The following CTNNAL1 variants were observed in gnomAD, a reference collection of about 807,000 sequenced individuals.
CTNNAL1 encodes the protein catenin alpha like 1, also known as alpha-catulin.
In CTNNAL1, 69 loss-of-function variants were observed where a neutral mutation model predicts 93.6. The observed-to-expected ratio is 0.74, with a 90% CI of 0.61 to 0.90. CTNNAL1 has a LOEUF of 0.90. Ranked by LOEUF, CTNNAL1 falls within the 40% of genes least tolerant of loss-of-function variation. The pLI is 0.00. For synonymous variants in CTNNAL1, 286 were observed against 305.4 expected, an observed-to-expected ratio of 0.94 and a Z score of 0.66; for missense variants, 836 against 862.0, an observed-to-expected ratio of 0.97 and a Z score of 0.38.
chr9:108,952,208 C>A lies in CTNNAL1; in HGVS notation c.1835+1G>T. ...AAAAATAAAAATACAACTACATTTA[C>A]CTAGTAAATAAATACAGAGAATAGG... is the stretch of plus-strand genomic sequence containing the variant. On this transcript the variant is annotated splice_donor_variant, in intron 14 of 18. Coordinates refer to ENST00000325551, the MANE Select transcript of CTNNAL1 (RefSeq NM_003798.4). LOFTEE classifies it high-confidence loss of function. 2 of 1,604,774 alleles carry A rather than the reference C, an allele frequency of 1.2e-6. No homozygotes were observed. Among genetic ancestry groups the A allele is most frequent in the Non-Finnish European group, 1.7e-6 (2 of 1,176,000 alleles).
At chr9:108,975,345 G>T (rs1431536858) in intron 8 of CTNNAL1, among the ~76,000 whole-genome samples, 3 of 151,896 alleles carry the variant, frequency 2.0e-5, no homozygotes, top group Non-Finnish European at 4.4e-5. Context: ...GTGGGGGTAG[G>T]GGGGGCAACA....
chr9:108,994,146 G>A lies in CTNNAL1; in HGVS notation c.332-1327C>T, dbSNP rs530652075. Among the ~76,000 whole-genome samples the A allele has an allele frequency of 7.1e-4, 108 of 152,152 alleles. 3 individuals are homozygous for A. The South Asian group carries it at 0.021, about 29-fold the overall frequency. On this transcript the variant is annotated intron_variant, in intron 2 of 18. Coordinates refer to ENST00000325551, the MANE Select transcript of CTNNAL1 (RefSeq NM_003798.4). ...ACTCAGGAGGCTGAGGCAGAGAATCGCTTGGACCTGGGAAGCGGAGGTTGC... is the reference window on the plus strand; with the variant it reads ...ACTCAGGAGGCTGAGGCAGAGAATCACTTGGACCTGGGAAGCGGAGGTTGC...
intron 12 of CTNNAL1, among the ~76,000 whole-genome samples, chr9:108,952,893 AATGAT>A (rs1388022847): frequency 2.6e-5 from 4 of 152,290 alleles, no homozygotes; most frequent in Non-Finnish European, 1.5e-5. Flanking sequence ...ATTCTTATGA[AATGAT>A]ATATTAAAAT....
chr9:109,006,780 CA>C (rs1232929465), intron 1 of CTNNAL1, among the ~76,000 whole-genome samples: 2 of 152,158 alleles, frequency 1.3e-5, no homozygotes, highest in Non-Finnish European at 2.9e-5. Context: ...TCAAGAAGTG[CA>C]AAACACCAAA....
chr9:108,972,864 G>GGGGGGGGGGGGGCCCCCCCCCCCCCC, intron 8 of CTNNAL1, 31 bp from the exon 9 acceptor site: 4 of 142,574 alleles, frequency 2.8e-5, no homozygotes, highest in South Asian at 1.2e-4. Flanking sequence ...GGGGGGGTGG[G>GGGGGGGGGGGGGCCCCCCCCCCCCCC]AGGGTGGAGA....
Position 109,000,034 on chromosome 9 carries a change from G to A in CTNNAL1, c.142-778C>T, listed in dbSNP as rs1826740822. Among the ~76,000 whole-genome samples, 4 of 152,158 alleles carry A rather than the reference G, an allele frequency of 2.6e-5. No homozygotes were observed. In the South Asian group the frequency reaches 8.3e-4, roughly 32 times the overall value. ...ACATGTACTAGTATTAAAAGAAGGG[G>A]AAGAGAATTACAAGAAGGGGAAGAG... On this transcript the variant is annotated intron_variant, in intron 1 of 18. Transcript: ENST00000325551.
intron 14 of CTNNAL1, among the ~76,000 whole-genome samples, chr9:108,950,960 C>A (rs1380094158): frequency 3.9e-5 from 6 of 151,958 alleles, no homozygotes; most frequent in Non-Finnish European, 8.8e-5. Context: ...TATTCTTTTG[C>A]TTATTTTTCA....
At chr9:109,010,638 G>C (rs1341214) in intron 1 of CTNNAL1, among the ~76,000 whole-genome samples, 71 of 152,028 alleles carry the variant, frequency 4.7e-4, no homozygotes, top group African/African-American at 1.6e-3. Flanking sequence ...ATCATTGTTA[G>C]GAAAATACAT....
chr9:108,948,315 A>G (rs1286530238), intron 14 of CTNNAL1, 81 bp from the exon 15 acceptor site: 1 of 1,327,176 alleles, frequency 7.5e-7, no homozygotes, highest in African/African-American at 1.5e-5. Context: ...ATTTTAGAGC[A>G]TTTGTGTATT....
chr9:109,002,229 G>A (rs1306209153), intron 1 of CTNNAL1, among the ~76,000 whole-genome samples: 1 of 152,120 alleles, frequency 6.6e-6, no homozygotes, highest in African/African-American at 2.4e-5. Context: ...CCTCACAAGT[G>A]GTGTCTTCTG....
intron 2 of CTNNAL1, among the ~76,000 whole-genome samples, chr9:108,994,543 A>G (rs978513147): frequency 2.6e-5 from 4 of 152,262 alleles, no homozygotes; most frequent in Non-Finnish European, 5.9e-5. Flanking sequence ...GGAGTTTGAA[A>G]TAACACAGGA....
intron 11 of CTNNAL1, among the ~76,000 whole-genome samples, chr9:108,964,729 A>G (rs1341060670): frequency 6.6e-6 from 1 of 152,216 alleles, no homozygotes; most frequent in Non-Finnish European, 1.5e-5. Flanking sequence ...ACTGCATTAT[A>G]GAAGAGCTGT....
chr9:108,970,503 C>A lies in CTNNAL1; in HGVS notation c.1348-9G>T. On this transcript the variant is annotated splice_polypyrimidine_tract_variant and intron_variant, in intron 9 of 18. Coordinates refer to ENST00000325551, the MANE Select transcript of CTNNAL1 (RefSeq NM_003798.4). ...CGTAACAATCGACAGGTCTACAAGACAATATGTCTACAGTTTAACTTTCAC... is the reference window on the plus strand; with the variant it reads ...CGTAACAATCGACAGGTCTACAAGAAAATATGTCTACAGTTTAACTTTCAC... The A allele has an allele frequency of 6.2e-7, 1 of 1,605,206 alleles. No homozygotes were observed. The highest frequency in any genetic ancestry group is 8.5e-7 in the Non-Finnish European group (1 of 1,176,178).
In CTNNAL1 at chr9:108,943,706, T is replaced by A. The variant is rs1830314608; in HGVS notation, c.2052A>T (p.Leu684=). The change falls in exon 17 of 19, where the codon CTA becomes CTT. Residue 684 remains leucine, a synonymous_variant. Coordinates refer to ENST00000325551, the MANE Select transcript of CTNNAL1 (RefSeq NM_003798.4). ...TKTSLQNKVF[L]KVDKCITKTR... ...GTTTTTCATATGTCTCTTTTACCTT[T>A]AGAAATACTTTATTCTGCAAAGAAG... The A allele has an allele frequency of 6.2e-7, 1 of 1,608,296 alleles. No individual in the cohort carries two copies. Among genetic ancestry groups the A allele is most frequent in the South Asian group, 1.1e-5 (1 of 89,494 alleles).
At chr9:109,008,842 A>ATGACTTAC (rs897007896) in intron 1 of CTNNAL1, among the ~76,000 whole-genome samples, 6 of 136,698 alleles carry the variant, frequency 4.4e-5, no homozygotes, top group African/African-American at 1.6e-4. Flanking sequence ...CTCCCACTTA[A>ATGACTTAC]TGACTTACGT....
chr9:108,944,135 G>A, intron 15 of CTNNAL1, 117 bp from the exon 16 acceptor site: 1 of 1,013,958 alleles, frequency 9.9e-7, no homozygotes, highest in Non-Finnish European at 1.4e-6. Context: ...GATATAAAAA[G>A]TCTGTCAGGA....
chr9:108,988,549 T>A (rs1831685487), intron 4 of CTNNAL1, among the ~76,000 whole-genome samples: 1 of 152,196 alleles, frequency 6.6e-6, no homozygotes, highest in Non-Finnish European at 1.5e-5. Flanking sequence ...TCAGAAAACG[T>A]CATTCTCCTA....
At chr9:108,953,209 G>A (rs1830609074) in intron 12 of CTNNAL1, among the ~76,000 whole-genome samples, 1 of 152,154 alleles carries the variant, frequency 6.6e-6, no homozygotes, top group Non-Finnish European at 1.5e-5. Flanking sequence ...AGTTAGACCA[G>A]GCTAGTCCAC....
rs758462515 is a variant in CTNNAL1 at position 108,944,036 on chromosome 9, C to G, written c.1885-18G>C. The G allele has an allele frequency of 1.2e-6, 2 of 1,610,292 alleles. No individual in the cohort carries two copies. Among genetic ancestry groups the G allele is most frequent in the Non-Finnish European group, 1.7e-6 (2 of 1,177,504 alleles). ...GCAAAAACCTGGTAGAAAGAGAAAACACCACTATTTTAGACTGATGTCTAT... is the reference window on the plus strand; with the variant it reads ...GCAAAAACCTGGTAGAAAGAGAAAAGACCACTATTTTAGACTGATGTCTAT... On this transcript the variant is annotated intron_variant, in intron 15 of 18. Transcript: ENST00000325551.
Sources: gnomAD v4.1 joint callset for allele counts (sites outside exome capture counted in the v4.1 genomes callset) on GRCh38, gnomAD v4.1.1 for gene constraint, MANE v1.5 for transcripts, NCBI Gene and HGNC (gene_info 2026-07-23, HGNC 2026-07-21) for gene names.